GNA13: variants seen among roughly 807,000 people sequenced by gnomAD.
The protein encoded by GNA13 is G protein subunit alpha 13, also known as guanine nucleotide-binding protein subunit alpha-13.
In GNA13, 4 loss-of-function variants were observed where a neutral mutation model predicts 33.5. The observed-to-expected ratio is 0.12, with a 90% CI of 0.06 to 0.27. GNA13 has a LOEUF of 0.27. Among genes scored for constraint, GNA13 ranks in the 10% least tolerant of loss-of-function variants. The pLI is 1.00. For missense variants in GNA13, 319 were observed against 487.2 expected, an observed-to-expected ratio of 0.65 and a Z score of 3.25; for synonymous variants, 176 against 183.8, an observed-to-expected ratio of 0.96 and a Z score of 0.34.
intron 2 of GNA13, among the ~76,000 whole-genome samples, chr17:65,044,131 G>GC (rs1296632131): frequency 3.3e-5 from 5 of 151,940 alleles, no homozygotes; most frequent in African/African-American, 1.2e-4. Flanking sequence ...GTCTCAAAAA[G>GC]TAAAAAAAAG....
At chr17:65,046,991 C>G (rs141427747) in intron 2 of GNA13, among the ~76,000 whole-genome samples, 112 of 152,218 alleles carry the variant, frequency 7.4e-4, no homozygotes, top group African/African-American at 2.5e-3. Context: ...TAATAGAATA[C>G]AAGTGATACC....
chr17:65,030,164 A>G (rs961612398), intron 2 of GNA13, among the ~76,000 whole-genome samples: 1 of 152,228 alleles, frequency 6.6e-6, no homozygotes, highest in Non-Finnish European at 1.5e-5. Context: ...TTCGAAGAGA[A>G]TAATATAAAG....
At chr17:65,052,821 G>C (rs1490106491) in intron 2 of GNA13, among the ~76,000 whole-genome samples, 1 of 152,224 alleles carries the variant, frequency 6.6e-6, no homozygotes, top group South Asian at 2.1e-4. Context: ...CTGAGGTCAG[G>C]AGTTCAAGAT....
chr17:65,053,955 A>G (rs1907948392), intron 1 of GNA13, among the ~76,000 whole-genome samples: 1 of 152,218 alleles, frequency 6.6e-6, no homozygotes, highest in Admixed American at 6.5e-5. Context: ...CTATTAGCAC[A>G]ATTCCTCTCT....
intron 2 of GNA13, among the ~76,000 whole-genome samples, chr17:65,034,007 C>T (rs1416093129): frequency 2.2e-5 from 1 of 45,338 alleles, no homozygotes; most frequent in Non-Finnish European, 4.7e-5. Context: ...AGCAGGACTC[C>T]GTCTCAAAAA....
chr17:65,036,457 G>A (rs1223580272), intron 2 of GNA13, among the ~76,000 whole-genome samples: 1 of 152,196 alleles, frequency 6.6e-6, no homozygotes, highest in Non-Finnish European at 1.5e-5. Flanking sequence ...TGTAATCCCA[G>A]CACTTTGGGA....
chr17:65,031,886 G>GAGAA (rs1555601931), intron 2 of GNA13, among the ~76,000 whole-genome samples: 14 of 128,126 alleles, frequency 1.1e-4, no homozygotes, highest in Non-Finnish European at 2.3e-4. Flanking sequence ...GAGAGAGAGA[G>GAGAA]AGAGAGAGAA....
intron 2 of GNA13, among the ~76,000 whole-genome samples, chr17:65,038,880 T>C (rs1025146025): frequency 2.0e-5 from 3 of 152,168 alleles, no homozygotes; most frequent in Non-Finnish European, 4.4e-5. Flanking sequence ...TCTCACAACG[T>C]TTACTGAATA....
In GNA13 at chr17:65,053,641, G is replaced by A. The variant is rs1167868480; in HGVS notation, c.371C>T (p.Ser124Leu). The A allele has an allele frequency of 5.0e-6, 8 of 1,613,428 alleles. No individual in the cohort carries two copies. The highest frequency in any genetic ancestry group is 4.2e-6 in the Non-Finnish European group (5 of 1,179,580). The change falls in exon 2 of 4, where the codon TCG becomes TTG. Residue 124 changes from serine to leucine, a missense_variant. Around this residue, in one of 4 missense-constraint regions of GNA13, gnomAD observed 136 missense variants for 159.3 expected, o/e 0.85. Transcript: ENST00000439174. ...TGCCATGGGGGCCCGGGTATCAAAC[G>A]ACATCATCTTATCTCCATGTTGTTG... is the stretch of plus-strand genomic sequence containing the variant. The part of the protein sequence containing the change: ...SNQQHGDKMM[S>L]FDTRAPMAAQ...
At chr17:65,046,315 G>A (rs28611249) in intron 2 of GNA13, among the ~76,000 whole-genome samples, 16,267 of 151,976 alleles carry the variant, frequency 0.11, 2,896 homozygotes, top group African/African-American at 0.37. Context: ...TTTTGAGACA[G>A]GATCTCACTC....
chr17:65,050,523 G>A (rs958741249), intron 2 of GNA13, among the ~76,000 whole-genome samples: 1 of 152,240 alleles, frequency 6.6e-6, no homozygotes, highest in Admixed American at 6.5e-5. Flanking sequence ...GAGGTCAGGA[G>A]TCCAAGACCA....
chr17:65,033,599 AC>A (rs1299072295), intron 2 of GNA13, among the ~76,000 whole-genome samples: 3 of 152,202 alleles, frequency 2.0e-5, no homozygotes, highest in East Asian at 3.8e-4. Context: ...TTCATGAGGA[AC>A]AAAACTTATA....
At chr17:65,056,251 A>ACCCCCCCCCCCCCCCCCCC in intron 1 of GNA13, 60 bp downstream of exon 1, 36 of 740,682 alleles carry the variant, frequency 4.9e-5, no homozygotes, top group East Asian at 1.8e-4. Context: ...CCCGCCCCGC[A>ACCCCCCCCCCCCCCCCCCC]CCCGCCGCCG....
intron 2 of GNA13, among the ~76,000 whole-genome samples, chr17:65,037,036 AGAAT>A (rs1907273513): frequency 6.6e-6 from 1 of 152,238 alleles, no homozygotes; most frequent in East Asian, 1.9e-4. Flanking sequence ...TGTTTGCTGA[AGAAT>A]GAATGAGTGC....
chr17:65,013,263 T>C lies in GNA13; in HGVS notation c.*994A>G, dbSNP rs947264177. On this transcript the variant is annotated 3_prime_UTR_variant, in exon 4 of 4. Transcript: ENST00000439174. The stretch of plus-strand genomic sequence containing the variant: ...CAAAACGATGCCACAAATGGCACAG[T>C]GTGGAGTTGATGGGACTGGACAGGA... The C allele has an allele frequency of 1.9e-4, 40 of 209,284 alleles. No individual in the cohort carries two copies. The highest frequency in any genetic ancestry group is 1.9e-3 in the Admixed American group (32 of 16,920). 13.0% of individuals were successfully genotyped at this position (209,284 alleles called of 1,614,324 possible).
chr17:65,034,012 C>CAAAAA (rs780895691), intron 2 of GNA13, among the ~76,000 whole-genome samples: 3,036 of 50,004 alleles, frequency 0.061, 671 homozygotes, highest in Non-Finnish European at 0.068. Flanking sequence ...GACTCCGTCT[C>CAAAAA]AAAAAAAAAA....
At chr17:65,023,491 C>T (rs974155371) in intron 2 of GNA13, among the ~76,000 whole-genome samples, 8 of 152,178 alleles carry the variant, frequency 5.3e-5, no homozygotes, top group Non-Finnish European at 1.2e-4. Context: ...TATTGTTGAA[C>T]GCTGAATGGT....
rs950310483 is a variant in GNA13, at chr17:65,055,677, A to G, written c.283+634T>C. 8 of 984,996 alleles carry G rather than the reference A, an allele frequency of 8.1e-6. No individual in the cohort carries two copies. The Admixed American group carries it at 3.1e-4, about 38-fold the overall frequency. The allele number at this position is 984,996 out of a possible 1,614,324, so 61.0% of individuals were successfully genotyped here. A position where few individuals can be genotyped will look rare whatever the true frequency, so the allele number is the denominator to read the frequency against. ...GTCCACTCTCTCCTGATTCCAGTAC[A>G]GTCAACCTGACACTCCTCAAGTTTC... On this transcript the variant is annotated intron_variant, in intron 1 of 3. Coordinates refer to ENST00000439174, the MANE Select transcript of GNA13 (RefSeq NM_006572.6).
chr17:65,029,033 T>A (rs1314369098), intron 2 of GNA13, among the ~76,000 whole-genome samples: 1 of 152,124 alleles, frequency 6.6e-6, no homozygotes, highest in Non-Finnish European at 1.5e-5. Context: ...ATGAGAAACA[T>A]AAGGATGTTG....
Sources: allele counts gnomAD v4.1 joint callset (sites outside exome capture counted in the v4.1 genomes callset), GRCh38; gene constraint gnomAD v4.1.1; regional missense constraint gnomAD v4.1.1; transcripts MANE v1.5; gene names NCBI Gene and HGNC (gene_info 2026-07-23, HGNC 2026-07-21).